CMPK2: variants seen among roughly 807,000 people sequenced by gnomAD.
CMPK2 encodes UMP-CMP kinase 2, mitochondrial.
A neutral mutation model predicts 33.4 loss-of-function variants in CMPK2; 32 were observed. That is an observed-to-expected ratio of 0.96 (90% confidence interval 0.72 to 1.29). The LOEUF is 1.29. Ranked by LOEUF, CMPK2 falls within the 50% of genes most tolerant of loss-of-function variation. The pLI is 0.00. For synonymous variants in CMPK2, 299 were observed against 275.3 expected, an observed-to-expected ratio of 1.09 and a Z score of -0.85; for missense variants, 672 against 616.0, an observed-to-expected ratio of 1.09 and a Z score of -0.96.
downstream of CMPK2, among the ~76,000 whole-genome samples, chr2:6,847,140 C>T (rs146701462): frequency 9.8e-3 from 1,495 of 152,180 alleles, 18 homozygotes; most frequent in Non-Finnish European, 0.015. Context: ...CTTAGTCTAC[C>T]GGCTGTCTTG....
rs1395621950 is a variant in CMPK2, at chr2:6,851,688, G to A, written c.993-5C>T. The A allele has an allele frequency of 6.2e-7, 1 of 1,613,652 alleles. No individual in the cohort carries two copies. The highest frequency in any genetic ancestry group is 8.5e-7 in the Non-Finnish European group (1 of 1,179,772). ...GTGGCCGTGCTGTGCCAGTACCTGA[G>A]AAGGAATGGGGTAGTGAGTTCTCTG... On this transcript the variant is annotated splice_polypyrimidine_tract_variant and splice_region_variant and intron_variant, in intron 3 of 4. Transcript: ENST00000256722.
chr2:6,857,638 T>TA (rs1662751479), intron 3 of CMPK2, among the ~76,000 whole-genome samples: 1 of 36,502 alleles, frequency 2.7e-5, no homozygotes, highest in African/African-American at 6.6e-5. Context: ...TCTTTTCTTT[T>TA]CTTTTTTTTT....
intron 3 of CMPK2, chr2:6,840,813 A>C (rs2103211372): frequency 1.6e-6 from 1 of 617,970 alleles, no homozygotes; most frequent in Non-Finnish European, 2.9e-6. Context: ...CAGGGAGGTT[A>C]CATGTTTAAC....
At position 6,865,073 on chromosome 2, in the gene CMPK2, G is replaced by A; in HGVS notation, c.624C>T (p.Pro208=). 1 of 1,476,114 alleles carries A rather than the reference G, an allele frequency of 6.8e-7. No individual in the cohort carries two copies. Among genetic ancestry groups the A allele is most frequent in the Non-Finnish European group, 9.0e-7 (1 of 1,113,342 alleles). 91.4% of individuals were successfully genotyped at this position (1,476,114 alleles called of 1,614,324 possible). ...CCCGGTCCGGGAAGACCACGGAACT[G>A]GGCAAGTCTGGCACCACCGGGTGCA... ...PPLHPVVPDL[P]SSVVFPDREA... Residue 208 remains proline, a synonymous_variant, in exon 1 of 5, where the codon CCC becomes CCT. Transcript: ENST00000256722.
chr2:6,861,632 T>G (rs1160202195), intron 2 of CMPK2, among the ~76,000 whole-genome samples: 14 of 152,214 alleles, frequency 9.2e-5, no homozygotes, highest in Admixed American at 9.2e-4. Context: ...GAGCCCCTTT[T>G]ACGTGTGACT....
chr2:6,849,620 C>A lies in CMPK2; in HGVS notation c.*230G>T. Reference sequence around the variant, plus strand: ...AATGTTTACTATGCCAGGAAGAAAGCAATCGCTGGCCTCTCACTGGAACAT... The same window carrying A: ...AATGTTTACTATGCCAGGAAGAAAGAAATCGCTGGCCTCTCACTGGAACAT... On this transcript the variant is annotated 3_prime_UTR_variant, in exon 5 of 5. Coordinates refer to ENST00000256722, the MANE Select transcript of CMPK2 (RefSeq NM_207315.4). 1 of 1,322,714 alleles carries A rather than the reference C, an allele frequency of 7.6e-7. No individual in the cohort carries two copies. The highest frequency in any genetic ancestry group is 1.9e-5 in the South Asian group (1 of 51,714). 81.9% of individuals were successfully genotyped at this position (1,322,714 alleles called of 1,614,324 possible). A position where few individuals can be genotyped will look rare whatever the true frequency, so the allele number is the denominator to read the frequency against.
chr2:6,866,343 G>T, upstream of CMPK2: 1 of 770,434 alleles, frequency 1.3e-6, no homozygotes, highest in Non-Finnish European at 1.6e-6. Flanking sequence ...ACAGGGCGCA[G>T]TTCTGGCTCT....
At chr2:6,846,078 C>T (rs949567140), downstream of CMPK2, among the ~76,000 whole-genome samples, 21 of 152,164 alleles carry the variant, frequency 1.4e-4, no homozygotes, top group Middle Eastern at 3.4e-3. Flanking sequence ...GATAAGGCTC[C>T]CCAGGGAGAA....
At chr2:6,843,170 G>A (rs74454642) in intron 3 of CMPK2, among the ~76,000 whole-genome samples, 2 of 152,290 alleles carry the variant, frequency 1.3e-5, no homozygotes, top group East Asian at 3.9e-4. Context: ...CTGATTGGAG[G>A]GATCCTCTAA....
At chr2:6,850,205 T>G (rs1360303527) in intron 4 of CMPK2, among the ~76,000 whole-genome samples, 1 of 152,228 alleles carries the variant, frequency 6.6e-6, no homozygotes, top group African/African-American at 2.4e-5. Context: ...CTGCCAAGCA[T>G]TAGCATTTTG....
downstream of CMPK2, chr2:6,848,299 T>C (rs1017279819): frequency 3.2e-6 from 3 of 947,342 alleles, no homozygotes; most frequent in Non-Finnish European, 2.5e-6. Flanking sequence ...AATCAATATG[T>C]ACCCAGGATG....
At chr2:6,859,690 C>A (rs569110775) in intron 3 of CMPK2, among the ~76,000 whole-genome samples, 4 of 152,328 alleles carry the variant, frequency 2.6e-5, no homozygotes, top group African/African-American at 7.2e-5. Flanking sequence ...TATGGAAATG[C>A]CTGGATGTCC....
downstream of CMPK2, chr2:6,848,242 T>G (rs1662412792): frequency 6.2e-6 from 4 of 643,498 alleles, no homozygotes; most frequent in South Asian, 2.7e-4. Context: ...TTCCCTCCTT[T>G]ACATCACAAT....
At chr2:6,846,519 T>C (rs183603277), downstream of CMPK2, among the ~76,000 whole-genome samples, 1 of 152,284 alleles carries the variant, frequency 6.6e-6, no homozygotes, top group Admixed American at 6.5e-5. Flanking sequence ...CAAGATTATA[T>C]CCCTAGGTTA....
At position 6,842,616 on chromosome 2, in the gene CMPK2, T is replaced by C. The variant is rs142252398; in HGVS notation, c.993-1938A>G. Reference sequence around the variant, plus strand: ...ATGTGCAGATTAAATGCCCTCCCTATGGAAAGACTGAGGGTTGATGCTTTA... The same window carrying C: ...ATGTGCAGATTAAATGCCCTCCCTACGGAAAGACTGAGGGTTGATGCTTTA... On this transcript the variant is annotated intron_variant, in intron 3 of 3. Coordinates refer to the CMPK2 transcript ENST00000458098. Among the ~76,000 whole-genome samples, 758 of 152,326 alleles carry C rather than the reference T, an allele frequency of 5.0e-3. 3 individuals carry two copies. Among genetic ancestry groups the C allele is most frequent in the South Asian group, 0.011 (51 of 4,824 alleles).
chr2:6,861,770 T>G (rs1662890233), intron 2 of CMPK2, among the ~76,000 whole-genome samples: 1 of 152,192 alleles, frequency 6.6e-6, no homozygotes. Context: ...TTCTCGCCCC[T>G]CCTCTCTTTC....
chr2:6,855,115 C>A (rs978699208), intron 3 of CMPK2, among the ~76,000 whole-genome samples: 1 of 147,778 alleles, frequency 6.8e-6, no homozygotes, highest in South Asian at 2.5e-4. Flanking sequence ...AAAGTCATTG[C>A]GGTTTTTGCC....
chr2:6,843,319 C>A (rs6726632), downstream of CMPK2, among the ~76,000 whole-genome samples: 625 of 152,318 alleles, frequency 4.1e-3, 1 homozygote, highest in African/African-American at 0.014. Flanking sequence ...ATTGGAATTA[C>A]AGCTTCATTA....
At chr2:6,858,725 C>T (rs531667093) in intron 3 of CMPK2, among the ~76,000 whole-genome samples, 2 of 152,318 alleles carry the variant, frequency 1.3e-5, no homozygotes, top group East Asian at 3.9e-4. Context: ...AACTGTAAAT[C>T]CATTAAACCT....
Sources: allele counts gnomAD v4.1 joint callset (sites outside exome capture counted in the v4.1 genomes callset), GRCh38; gene constraint gnomAD v4.1.1; transcripts MANE v1.5; gene names NCBI Gene and HGNC (gene_info 2026-07-23, HGNC 2026-07-21).